Variants in FHIT observed in about 807,000 individuals in gnomAD.
The protein encoded by FHIT is bis(5'-adenosyl)-triphosphatase.
In FHIT, 19 loss-of-function variants were observed where a neutral mutation model predicts 17.9. The observed-to-expected ratio is 1.06, with a 90% confidence interval of 0.74 to 1.56. The LOEUF is 1.56. FHIT is among the 40% of genes most tolerant of loss of function. The pLI is 0.00. For synonymous variants in FHIT, 81 were observed against 69.7 expected (o/e 1.16, Z -0.81); for missense variants, 248 against 189.2 (o/e 1.31, Z -1.82).
chr3:60,453,674 A>G (rs2107379097), intron 5 of FHIT, among the ~76,000 whole-genome samples: 1 of 152,314 alleles, frequency 6.6e-6, no homozygotes, highest in East Asian at 1.9e-4. Flanking sequence ...CACCTGGAAA[A>G]TGGGGGCCAT....
chr3:61,237,372 T>G lies in FHIT; in HGVS notation c.-213+13929A>C, dbSNP rs368537095. 6.6e-5 allele frequency among the ~76,000 whole-genome samples: 10 copies of G among 152,344 alleles called. No homozygotes were observed. The South Asian group carries it at 1.0e-3, about 16-fold the overall frequency. Reference sequence around the variant, plus strand: ...TAAATATTACAGTACTGCAGATATGTTTGTTTTCTGATTTATATTCCTGTC... The same window carrying G: ...TAAATATTACAGTACTGCAGATATGGTTGTTTTCTGATTTATATTCCTGTC... On this transcript the variant is annotated intron_variant, in intron 1 of 9. Transcript: ENST00000492590.
chr3:60,044,638 T>C (rs1701577110), intron 5 of FHIT, among the ~76,000 whole-genome samples: 1 of 152,180 alleles, frequency 6.6e-6, no homozygotes, highest in Non-Finnish European at 1.5e-5. Flanking sequence ...CAAGAGCTCA[T>C]ATGATACAGG....
intron 8 of FHIT, among the ~76,000 whole-genome samples, chr3:59,907,502 C>G (rs950932010): frequency 5.1e-4 from 78 of 152,262 alleles, no homozygotes; most frequent in African/African-American, 1.9e-3. Flanking sequence ...TAACTGCCCA[C>G]CCCCAGAGTT....
intron 5 of FHIT, among the ~76,000 whole-genome samples, chr3:60,220,870 T>C (rs1438677237): frequency 6.6e-6 from 1 of 152,176 alleles, no homozygotes; most frequent in East Asian, 1.9e-4. Context: ...GCCATTTCCA[T>C]CTAGCTGCAT....
chr3:59,925,876 C>A (rs17061480), intron 7 of FHIT, among the ~76,000 whole-genome samples: 3 of 152,130 alleles, frequency 2.0e-5, no homozygotes, highest in African/African-American at 7.2e-5. Context: ...GAAAAAATAC[C>A]ATCACTATGG....
chr3:61,154,646 G>T (rs945452640), intron 2 of FHIT, among the ~76,000 whole-genome samples: 10 of 152,136 alleles, frequency 6.6e-5, no homozygotes, highest in African/African-American at 2.2e-4. Flanking sequence ...TGGGATTTCT[G>T]CATTGCTTTC....
chr3:60,711,826 G>T (rs1425905889), intron 4 of FHIT, among the ~76,000 whole-genome samples: 2 of 152,180 alleles, frequency 1.3e-5, no homozygotes, highest in Non-Finnish European at 2.9e-5. Context: ...CGGGGAGAAT[G>T]GAACCAAGTT....
chr3:60,854,894 A>T (rs1410520770), intron 3 of FHIT, among the ~76,000 whole-genome samples: 1 of 152,146 alleles, frequency 6.6e-6, no homozygotes, highest in African/African-American at 2.4e-5. Flanking sequence ...GATCTTAGGA[A>T]GGGAACAACC....
intron 3 of FHIT, among the ~76,000 whole-genome samples, chr3:60,855,865 C>T (rs1314838893): frequency 6.6e-6 from 1 of 152,068 alleles, no homozygotes; most frequent in East Asian, 1.9e-4. Context: ...GAATGAGTTA[C>T]AATGAGGGTG....
intron 2 of FHIT, among the ~76,000 whole-genome samples, chr3:61,046,521 C>T (rs1241058561): frequency 6.6e-6 from 1 of 152,134 alleles, no homozygotes; most frequent in South Asian, 2.1e-4. Flanking sequence ...CAAAAAAAGT[C>T]CAGGACCCAG....
chr3:60,699,481 T>A (rs564155953), intron 4 of FHIT, among the ~76,000 whole-genome samples: 1 of 152,022 alleles, frequency 6.6e-6, no homozygotes, highest in South Asian at 2.1e-4. Context: ...GGGCTGAGAG[T>A]TTTACTGGTG....
chr3:61,082,223 A>C (rs1259005323), intron 2 of FHIT, among the ~76,000 whole-genome samples: 2 of 152,206 alleles, frequency 1.3e-5, no homozygotes, highest in African/African-American at 4.8e-5. Context: ...CTAGAAGCAC[A>C]TTTCATATCC....
At chr3:60,195,163 T>C (rs1385091441) in intron 5 of FHIT, among the ~76,000 whole-genome samples, 1 of 151,620 alleles carries the variant, frequency 6.6e-6, no homozygotes, top group African/African-American at 2.4e-5. Context: ...TGAGACTTTG[T>C]CTCAAAAAAA....
intron 5 of FHIT, among the ~76,000 whole-genome samples, chr3:60,116,381 G>T (rs564280502): frequency 6.6e-6 from 1 of 152,092 alleles, no homozygotes; most frequent in Middle Eastern, 3.2e-3. Flanking sequence ...TCTCGATAGC[G>T]GGCATCACCA....
intron 3 of FHIT, among the ~76,000 whole-genome samples, chr3:60,921,498 C>T (rs1231460031): frequency 6.6e-6 from 1 of 152,106 alleles, no homozygotes; most frequent in East Asian, 1.9e-4. Context: ...GAATAGACAG[C>T]CTTTGAAAGC....
chr3:59,892,038 A>G (rs1703875651), intron 8 of FHIT, among the ~76,000 whole-genome samples: 1 of 152,244 alleles, frequency 6.6e-6, no homozygotes, highest in Admixed American at 6.5e-5. Context: ...TTTGATGTAA[A>G]ATAATAGTCC....
At chr3:60,720,752 C>A (rs1157377980) in intron 4 of FHIT, among the ~76,000 whole-genome samples, 1 of 152,144 alleles carries the variant, frequency 6.6e-6, no homozygotes, top group African/African-American at 2.4e-5. Context: ...GGTCTCCCAG[C>A]CTTCCAGAGA....
intron 5 of FHIT, among the ~76,000 whole-genome samples, chr3:60,353,841 T>C (rs184081865): frequency 1.3e-5 from 2 of 152,112 alleles, no homozygotes; most frequent in South Asian, 4.1e-4. Context: ...TAAAAATTTA[T>C]AAGAAGTGTG....
chr3:59,928,546 T>G (rs6791372), intron 7 of FHIT, among the ~76,000 whole-genome samples: 5,310 of 152,168 alleles, frequency 0.035, 283 homozygotes, highest in African/African-American at 0.12. Context: ...AACTAAGTAA[T>G]AAAAAGACAA....
Sources: gnomAD v4.1 joint callset for allele counts (sites outside exome capture counted in the v4.1 genomes callset) on GRCh38, gnomAD v4.1.1 for gene constraint, MANE v1.5 for transcripts, NCBI Gene and HGNC (gene_info 2026-07-23, HGNC 2026-07-21) for gene names.